The following MTUS1 variants were observed in gnomAD, a reference collection of about 807,000 sequenced individuals.
The protein encoded by MTUS1 is microtubule-associated tumor suppressor 1.
Under a neutral mutation model 120.8 loss-of-function variants are expected in MTUS1, and 109 were observed. That is an observed-to-expected ratio of 0.90 (90% CI 0.77 to 1.06). The LOEUF (loss-of-function observed/expected upper bound fraction) is 1.06. Ranked by LOEUF, MTUS1 falls within the 50% of genes least tolerant of loss-of-function variation. The pLI, the probability that MTUS1 is intolerant of heterozygous loss-of-function variation, is 0.00. For synonymous variants in MTUS1, 737 were observed against 550.5 expected (o/e 1.34, Z -4.74); for missense variants, 2,210 against 1,486.3 (o/e 1.49, Z -8.01).
chr8:17,646,963 A>C lies in MTUS1; in HGVS notation c.3599+19T>G. On this transcript the variant is annotated intron_variant, in intron 14 of 14. Coordinates refer to ENST00000693296, the MANE Select transcript of MTUS1 (RefSeq NM_001363059.2). ...AGGGAGCGGGGAGCTCGGGAGAAAC[A>C]GCACTGTTTTATTTTTACCTTGAGA... The C allele has an allele frequency of 6.3e-7, 1 of 1,591,774 alleles. No homozygotes were observed. Among genetic ancestry groups the C allele is most frequent in the Non-Finnish European group, 8.6e-7 (1 of 1,159,810 alleles).
At chr8:17,756,743 A>G (rs2048654498) in intron 1 of MTUS1, among the ~76,000 whole-genome samples, 1 of 149,462 alleles carries the variant, frequency 6.7e-6, no homozygotes, top group African/African-American at 2.5e-5. Flanking sequence ...AGCAGTCATA[A>G]GCGTGGAGTG....
At chr8:17,673,883 G>C (rs896188561) in intron 8 of MTUS1, among the ~76,000 whole-genome samples, 1 of 152,184 alleles carries the variant, frequency 6.6e-6, no homozygotes, top group Admixed American at 6.5e-5. Flanking sequence ...AAAAAGGGCA[G>C]TTTCTCCTAG....
chr8:17,754,054 C>G lies in MTUS1; in HGVS notation c.1754G>C (p.Ser585Thr), dbSNP rs1428534025. The G allele has an allele frequency of 2.5e-6, 4 of 1,613,800 alleles. No homozygotes were observed. Among genetic ancestry groups the G allele is most frequent in the Non-Finnish European group, 3.4e-6 (4 of 1,180,004 alleles). The change falls in exon 2 of 15, where the codon AGC (serine) becomes ACC (threonine). Residue 585 changes from serine (S) to threonine (T), a missense_variant. Coordinates refer to ENST00000693296, the MANE Select transcript of MTUS1 (RefSeq NM_001363059.2). ...ATGAGTTGTAACATGCACAGCCTGGCTAGTAATGAGTTTATTAAACTGCTG... is the reference window on the plus strand; with the variant it reads ...ATGAGTTGTAACATGCACAGCCTGGGTAGTAATGAGTTTATTAAACTGCTG... The part of the protein sequence containing the change: ...HKQQFNKLIT[S>T]QAVHVTTHSK...
intron 7 of MTUS1, chr8:17,675,876 G>A (rs1442270269): frequency 1.8e-5 from 3 of 165,970 alleles, no homozygotes; most frequent in Non-Finnish European, 3.9e-5. Context: ...ACAAACCAAA[G>A]AAAACCGGAT....
intron 12 of MTUS1, chr8:17,651,884 T>C (rs984788076): frequency 6.6e-6 from 1 of 152,036 alleles, no homozygotes; most frequent in African/African-American, 2.4e-5. Flanking sequence ...ACCCTGCATA[T>C]CCCTGCATGT....
At chr8:17,748,605 G>C in intron 2 of MTUS1, among the ~76,000 whole-genome samples, 1 of 152,202 alleles carries the variant, frequency 6.6e-6, no homozygotes, top group East Asian at 1.9e-4. Flanking sequence ...TAGGGTCACA[G>C]ACACCACCAC....
chr8:17,653,754 G>A (rs1180552465), intron 10 of MTUS1: 4 of 390,280 alleles, frequency 1.0e-5, no homozygotes, highest in African/African-American at 2.1e-5. Flanking sequence ...GAGGCCATGC[G>A]ACCTTAGGAC....
intron 8 of MTUS1, chr8:17,674,347 G>A (rs1812632681): frequency 4.7e-6 from 2 of 428,648 alleles, no homozygotes; most frequent in Non-Finnish European, 6.2e-6. Context: ...TTGAACCCGG[G>A]AGGCGGAGGT....
At chr8:17,748,407 C>A (rs529678191) in intron 2 of MTUS1, among the ~76,000 whole-genome samples, 2 of 152,162 alleles carry the variant, frequency 1.3e-5, no homozygotes, top group Non-Finnish European at 2.9e-5. Flanking sequence ...TCTTCTTGGA[C>A]AGTGGACAAG....
intron 3 of MTUS1, chr8:17,724,215 A>G: frequency 2.4e-6 from 1 of 410,428 alleles, no homozygotes; most frequent in Non-Finnish European, 4.7e-6. Flanking sequence ...GGTGACTAAA[A>G]AAAAAATAAT....
chr8:17,723,781 T>C lies in MTUS1; in HGVS notation c.2340A>G (p.Arg780=), dbSNP rs754942301. 33 of 1,609,514 alleles carry C rather than the reference T, an allele frequency of 2.1e-5. No individual in the cohort carries two copies. The East Asian group carries it at 6.7e-4, about 33-fold the overall frequency. Residue 780 remains arginine (R), a synonymous_variant, in exon 4 of 15, where the codon AGA becomes AGG. Transcript: ENST00000693296. ...TAQSSWVNLP[R]PLPKSKASLK... Reference sequence around the variant, plus strand: ...AAGATGCTTTGGATTTAGGAAGTGGTCTAGGCAAATTCACCCATGACGACT... The same window carrying C: ...AAGATGCTTTGGATTTAGGAAGTGGCCTAGGCAAATTCACCCATGACGACT...
intron 2 of MTUS1, among the ~76,000 whole-genome samples, chr8:17,744,685 TTTTC>T (rs1403722668): frequency 7.1e-4 from 99 of 138,956 alleles, no homozygotes; most frequent in African/African-American, 2.5e-3. Flanking sequence ...TTTCACCATG[TTTTC>T]TTTTTTTTTT....
At chr8:17,662,254 A>C (rs1490847275) in intron 8 of MTUS1, among the ~76,000 whole-genome samples, 2 of 152,108 alleles carry the variant, frequency 1.3e-5, no homozygotes, top group African/African-American at 2.4e-5. Context: ...CCAAACATAA[A>C]ATTGTTTCGA....
chr8:17,709,876 G>A (rs898562783), intron 6 of MTUS1, among the ~76,000 whole-genome samples: 16 of 151,728 alleles, frequency 1.1e-4, no homozygotes, highest in Admixed American at 2.0e-4. Context: ...GCATGGTGGC[G>A]AGCACCTGTA....
chr8:17,736,732 C>T (rs375240035), intron 3 of MTUS1, among the ~76,000 whole-genome samples: 3 of 151,934 alleles, frequency 2.0e-5, no homozygotes, highest in Non-Finnish European at 2.9e-5. Flanking sequence ...CCACAGGCAC[C>T]GGCCACCAAA....
intron 1 of MTUS1, among the ~76,000 whole-genome samples, chr8:17,800,228 C>G (rs567858561): frequency 3.9e-5 from 6 of 152,216 alleles, no homozygotes; most frequent in Non-Finnish European, 8.8e-5. Flanking sequence ...ACTGGTAACA[C>G]CCCTACTCCC....
intron 8 of MTUS1, among the ~76,000 whole-genome samples, chr8:17,673,168 T>C (rs149311861): frequency 6.6e-6 from 1 of 152,286 alleles, no homozygotes; most frequent in East Asian, 1.9e-4. Flanking sequence ...GTCATTTAGG[T>C]AATCATAAGG....
intron 1 of MTUS1, among the ~76,000 whole-genome samples, chr8:17,776,554 C>A (rs1439377771): frequency 1.3e-5 from 2 of 151,926 alleles, no homozygotes; most frequent in Non-Finnish European, 2.9e-5. Flanking sequence ...TGGCACATGT[C>A]TGTAGTCCCA....
chr8:17,772,680 ACTT>A (rs1563367172), intron 1 of MTUS1, among the ~76,000 whole-genome samples: 1 of 152,238 alleles, frequency 6.6e-6, no homozygotes, highest in African/African-American at 2.4e-5. Flanking sequence ...AGTATGTTCA[ACTT>A]CTTCTTATAA....
Sources: gnomAD v4.1 joint callset for allele counts (sites outside exome capture counted in the v4.1 genomes callset) on GRCh38, gnomAD v4.1.1 for gene constraint, MANE v1.5 for transcripts, NCBI Gene and HGNC (gene_info 2026-07-23, HGNC 2026-07-21) for gene names.